The following RBMS3 variants were observed in gnomAD, a reference collection of about 807,000 sequenced individuals.
RBMS3 encodes RNA binding motif single stranded interacting protein 3.
RBMS3 carries 27 observed loss-of-function variants against 66.8 expected under a neutral mutation model. That is an observed-to-expected ratio of 0.40 (90% CI 0.30 to 0.56). The LOEUF is 0.56. Ranked by LOEUF, RBMS3 falls within the 20% of genes least tolerant of loss-of-function variation. The probability of loss-of-function intolerance (pLI) is 0.40; values close to 1 mark genes in which losing one functional copy is unlikely to be tolerated. For synonymous variants in RBMS3, 188 were observed against 183.0 expected, an observed-to-expected ratio of 1.03 and a Z score of -0.22; for missense variants, 513 against 549.5, an observed-to-expected ratio of 0.93 and a Z score of 0.66.
chr3:29,732,321 A>T (rs1374305015), intron 4 of RBMS3, among the ~76,000 whole-genome samples: 3 of 152,166 alleles, frequency 2.0e-5, no homozygotes, highest in Non-Finnish European at 2.9e-5. Context: ...TCTGGGGAGG[A>T]TCAGCCTTTT....
At chr3:29,950,078 T>C (rs1343858028) in intron 12 of RBMS3, among the ~76,000 whole-genome samples, 2 of 151,844 alleles carry the variant, frequency 1.3e-5, no homozygotes, top group Non-Finnish European at 2.9e-5. Flanking sequence ...CTTCCCTGAG[T>C]ACTGTGTGCT....
In RBMS3 at chr3:29,499,661, C is replaced by T. The variant is rs142663854; in HGVS notation, c.307+11162C>T. Among the ~76,000 whole-genome samples, 649 of 152,264 alleles carry T rather than the reference C, an allele frequency of 4.3e-3. 2 individuals carry two copies. Among genetic ancestry groups the T allele is most frequent in the Middle Eastern group, 0.01 (3 of 294 alleles). On this transcript the variant is annotated intron_variant, in intron 3 of 14. Transcript: ENST00000383767. ...TTTCACTGCTAGGCATACAGATAGA[C>T]CTATTGGTCATTCAGCGGACACCAG...
At chr3:29,618,192 A>G (rs982071233) in intron 4 of RBMS3, among the ~76,000 whole-genome samples, 1 of 152,182 alleles carries the variant, frequency 6.6e-6, no homozygotes, top group Non-Finnish European at 1.5e-5. Flanking sequence ...TTAAATAAAA[A>G]TCTAAAAATA....
chr3:29,806,484 A>T (rs916621145), intron 6 of RBMS3, among the ~76,000 whole-genome samples: 5 of 151,958 alleles, frequency 3.3e-5, no homozygotes, highest in African/African-American at 9.7e-5. Flanking sequence ...TGCACTTCCT[A>T]TTGACCATAT....
chr3:29,723,119 G>A (rs2053714764), intron 4 of RBMS3, among the ~76,000 whole-genome samples: 1 of 151,662 alleles, frequency 6.6e-6, no homozygotes, highest in African/African-American at 2.4e-5. Flanking sequence ...GGGATTACAG[G>A]CGCACATCCC....
intron 2 of RBMS3, among the ~76,000 whole-genome samples, chr3:29,459,019 A>G (rs1275808408): frequency 6.6e-6 from 1 of 152,166 alleles, no homozygotes; most frequent in Non-Finnish European, 1.5e-5. Context: ...CAATCAGGAG[A>G]TCTTGTTCTT....
At chr3:29,797,918 G>A (rs1559681928) in intron 6 of RBMS3, 1 of 152,006 alleles carries the variant, frequency 6.6e-6, no homozygotes, top group Non-Finnish European at 1.5e-5. Flanking sequence ...TCAAGTGAAA[G>A]ACACGCAATT....
intron 12 of RBMS3, among the ~76,000 whole-genome samples, chr3:29,967,864 G>T (rs1462447898): frequency 6.6e-6 from 1 of 151,898 alleles, no homozygotes; most frequent in East Asian, 1.9e-4. Context: ...TTCTTTTCTT[G>T]GTTAATCTTA....
intron 2 of RBMS3, among the ~76,000 whole-genome samples, chr3:29,439,723 G>A (rs190638061): frequency 4.0e-5 from 6 of 151,808 alleles, no homozygotes; most frequent in Non-Finnish European, 5.9e-5. Context: ...TCGTCATTTA[G>A]CATTAGGTAT....
chr3:29,641,613 AT>A (rs981349692), intron 4 of RBMS3, among the ~76,000 whole-genome samples: 3 of 152,080 alleles, frequency 2.0e-5, no homozygotes, highest in Non-Finnish European at 4.4e-5. Flanking sequence ...ATGACTTTTA[AT>A]TTTTTAGCTT....
At chr3:29,346,557 C>A (rs1195874234) in intron 1 of RBMS3, among the ~76,000 whole-genome samples, 1 of 151,868 alleles carries the variant, frequency 6.6e-6, no homozygotes, top group Non-Finnish European at 1.5e-5. Context: ...GTGCCGACCA[C>A]CATGCCCAGC....
At chr3:29,746,221 ATTGTTTGGAG>A (rs1227086134) in intron 5 of RBMS3, among the ~76,000 whole-genome samples, 2 of 152,206 alleles carry the variant, frequency 1.3e-5, no homozygotes, top group Admixed American at 1.3e-4. Context: ...ATTGTTTGGA[ATTGTTTGGAG>A]TATTGTTTTG....
chr3:29,444,520 G>T (rs2041744925), intron 2 of RBMS3, among the ~76,000 whole-genome samples: 1 of 152,022 alleles, frequency 6.6e-6, no homozygotes, highest in Non-Finnish European at 1.5e-5. Context: ...AATCAGTATG[G>T]TAAAGGACAA....
At chr3:29,580,708 T>A (rs900580453) in intron 3 of RBMS3, among the ~76,000 whole-genome samples, 1 of 146,700 alleles carries the variant, frequency 6.8e-6, no homozygotes, top group African/African-American at 2.5e-5. Flanking sequence ...ATAATAATAA[T>A]AAAAGGAAGA....
intron 1 of RBMS3, among the ~76,000 whole-genome samples, chr3:29,283,748 A>G (rs1441120575): frequency 1.3e-5 from 2 of 152,218 alleles, no homozygotes; most frequent in South Asian, 2.1e-4. Flanking sequence ...TTTGCCTATC[A>G]TGGTAGTTCA....
At chr3:29,989,820 A>C (rs1698706934) in intron 13 of RBMS3, among the ~76,000 whole-genome samples, 1 of 152,168 alleles carries the variant, frequency 6.6e-6, no homozygotes, top group African/African-American at 2.4e-5. Context: ...AGCTTTCAAA[A>C]AGCACCTATG....
chr3:29,818,014 C>T (rs1030431689), intron 6 of RBMS3, among the ~76,000 whole-genome samples: 3 of 152,052 alleles, frequency 2.0e-5, no homozygotes, highest in Admixed American at 2.0e-4. Context: ...GTCCTTAACA[C>T]TATGTTCAAT....
chr3:29,373,770 A>C (rs1297739804), intron 1 of RBMS3, among the ~76,000 whole-genome samples: 2 of 152,222 alleles, frequency 1.3e-5, no homozygotes, highest in Non-Finnish European at 1.5e-5. Context: ...GCAGGAAATG[A>C]AATTCTAGGC....
Position 29,282,186 on chromosome 3 carries a change from C to T in RBMS3, c.75+430C>T, listed in dbSNP as rs544463436. On this transcript the variant is annotated intron_variant, in intron 1 of 14. Coordinates refer to ENST00000383767, the MANE Select transcript of RBMS3 (RefSeq NM_001003793.3). The stretch of plus-strand genomic sequence containing the variant: ...TTTTCCCACTGGATAGGACGTGCAA[C>T]GGTGGGGGTAACTCAAACTTTTAAT... 2.6e-5 allele frequency among the ~76,000 whole-genome samples: 4 copies of T among 151,924 alleles called. No homozygotes were observed. In the South Asian group the frequency reaches 8.3e-4, roughly 32 times the overall value.
Sources: gnomAD v4.1 joint callset for allele counts (sites outside exome capture counted in the v4.1 genomes callset) on GRCh38, gnomAD v4.1.1 for gene constraint, MANE v1.5 for transcripts, NCBI Gene and HGNC (gene_info 2026-07-23, HGNC 2026-07-21) for gene names.